ATM: variants seen among roughly 807,000 people sequenced by gnomAD.
The protein encoded by ATM is ATM serine/threonine kinase.
A neutral mutation model predicts 387.0 loss-of-function variants in ATM; 308 were observed. The ratio of observed to expected loss-of-function variants is 0.80; its 90% CI spans 0.73 to 0.87. The LOEUF (loss-of-function observed/expected upper bound fraction) is 0.87, where lower values mean the gene tolerates loss of function less well. Among genes scored for constraint, ATM ranks in the 40% least tolerant of loss-of-function variants. The pLI is 0.00. For missense variants in ATM, 3,312 were observed against 3,560.9 expected, an observed-to-expected ratio of 0.93 and a Z score of 1.78; for synonymous variants, 1,156 against 1,187.3, an observed-to-expected ratio of 0.97 and a Z score of 0.54.
At chr11:108,257,946 CCAGCAGCCTCGACCTCCTGGGCTCA>C (rs1435305361) in intron 15 of ATM, among the ~76,000 whole-genome samples, 9 of 152,006 alleles carry the variant, frequency 5.9e-5, no homozygotes, top group South Asian at 2.1e-4. Context: ...TCACTGCGAT[CCAGCAGCCTCGACCTCCTGGGCTCA>C]CAGCAGCCTC....
chr11:108,281,248 G>A, intron 24 of ATM, 80 bp downstream of exon 24: 9 of 1,429,558 alleles, frequency 6.3e-6, no homozygotes, highest in African/African-American at 1.4e-5. Context: ...TAGATTTTCT[G>A]AGTGGCACTT....
At position 108,317,533 on chromosome 11, in the gene ATM, G is replaced by A. The variant is rs2084795630; in HGVS notation, c.6347+12G>A. 1.9e-6 allele frequency: 3 copies of A among 1,575,730 alleles called. No homozygotes were observed. The highest frequency in any genetic ancestry group is 2.2e-5 in the South Asian group (2 of 90,146). ...TGCACTTCCGTCAGGTAAGAAATTT[G>A]ACTTGATTTTTTTTTTTTTGCCTCT... On this transcript the variant is annotated intron_variant, in intron 43 of 62. Transcript: ENST00000675843.
At chr11:108,316,222 G>T (rs1326911347) in intron 42 of ATM, 109 bp downstream of exon 42, 14 of 1,044,874 alleles carry the variant, frequency 1.3e-5, no homozygotes, top group Middle Eastern at 2.0e-4. Context: ...GATAAGACTA[G>T]AACTTATCTG....
chr11:108,357,480 C>A (rs1011268941), intron 61 of ATM, among the ~76,000 whole-genome samples: 1 of 152,254 alleles, frequency 6.6e-6, no homozygotes, highest in Non-Finnish European at 1.5e-5. Context: ...GTAGGCTCCA[C>A]CTCTGGGGGC....
intron 57 of ATM, 144 bp from the exon 58 acceptor site, chr11:108,345,599 G>A (rs1458663675): frequency 3.0e-6 from 2 of 676,628 alleles, no homozygotes; most frequent in Non-Finnish European, 2.4e-6. Flanking sequence ...TTGCTTCCCT[G>A]TCCAGACTGT....
At chr11:108,276,341 T>C (rs898727170) in intron 22 of ATM, among the ~76,000 whole-genome samples, 14 of 152,208 alleles carry the variant, frequency 9.2e-5, no homozygotes, top group African/African-American at 3.4e-4. Flanking sequence ...TTATTACCCA[T>C]CTTCCGAAGC....
rs1057516282 is a variant in ATM, at chr11:108,365,400, A to AG, written c.9064dup (p.Glu3022GlyfsTer41). The AG allele has an allele frequency of 1.2e-6, 2 of 1,614,220 alleles. No homozygotes were observed. The highest frequency in any genetic ancestry group is 1.7e-6 in the Non-Finnish European group (2 of 1,180,040). On this transcript the variant is annotated frameshift_variant, in exon 63 of 63. Transcript: ENST00000675843. LOFTEE classifies it high-confidence loss of function. ...TACAAGAGAAACTGAAAGGAGTGGA[A>AG]GAAGGCACTGTGCTCAGTGTTGGTG...
At chr11:108,290,621 G>C (rs1275356568) in intron 29 of ATM, 4 of 119,324 alleles carry the variant, frequency 3.4e-5, no homozygotes, top group African/African-American at 1.4e-4. Context: ...CTGGGAGACA[G>C]AGCGAGACTC....
rs768748099 is a variant in ATM at position 108,243,934 on chromosome 11, ATTTT to A, written c.497-7_497-4del. 3.3e-6 allele frequency: 4 copies of A among 1,201,016 alleles called. No individual in the cohort carries two copies. In the African/African-American group the frequency reaches 4.8e-5, roughly 14 times the overall value. The allele number at this position is 1,201,016 out of a possible 1,614,324, so 74.4% of individuals were successfully genotyped here. A position where few individuals can be genotyped will look rare whatever the true frequency, so the allele number is the denominator to read the frequency against. On this transcript the variant is annotated splice_polypyrimidine_tract_variant and intron_variant, in intron 5 of 62. Coordinates refer to ENST00000675843, the MANE Select transcript of ATM (RefSeq NM_000051.4). ...GATTTTTAAAAAATCATGACTAATAATTTTTTTTTTTTTTTAAGAATTGTTCTCT... is the reference window on the plus strand; with the variant it reads ...GATTTTTAAAAAATCATGACTAATAATTTTTTTTTTTAAGAATTGTTCTCT...
At chr11:108,349,688 C>T (rs1349070653) in intron 59 of ATM, among the ~76,000 whole-genome samples, 1 of 152,008 alleles carries the variant, frequency 6.6e-6, no homozygotes, top group Non-Finnish European at 1.5e-5. Flanking sequence ...AATCTTCCTA[C>T]AAGAAGTTTA....
At position 108,299,779 on chromosome 11, in the gene ATM, A is replaced by T. The variant is rs1800059; in HGVS notation, c.5071A>T (p.Ser1691Cys). Residue 1691 changes from serine (S) to cysteine (C), a missense_variant, in exon 34 of 63, where the codon AGT becomes TGT. Around this residue, in one of 4 missense-constraint regions of ATM, gnomAD observed 1,405 missense variants for 1,604.4 expected, o/e 0.88. Coordinates refer to ENST00000675843, the MANE Select transcript of ATM (RefSeq NM_000051.4). ...TTTCTCTACCATAGCTATACAACAT[A>T]GTAAAGATGCATCTTATACCAAGGC... ...IDFSTIAIQHSKDASYTKALK... is the reference protein window; with the variant it reads ...IDFSTIAIQHCKDASYTKALK... 1 of 1,614,058 alleles carries T rather than the reference A, an allele frequency of 6.2e-7. No individual in the cohort carries two copies. The highest frequency in any genetic ancestry group is 8.5e-7 in the Non-Finnish European group (1 of 1,179,948).
In ATM at chr11:108,297,367, G is replaced by A. The variant is rs1555103301; in HGVS notation, c.4990G>A (p.Glu1664Lys). Residue 1664 changes from glutamate to lysine, a missense_variant, in exon 33 of 63, where the codon GAA becomes AAA. Glu to Lys is a moderately conservative substitution (Grantham distance 56). Transcript: ENST00000675843. ...LSKMAINHTG[E>K]KEVLEAVGSC... The stretch of plus-strand genomic sequence containing the variant: ...CAAGATGGCAATAAACCACACTGGT[G>A]AAAAAGAAGTTCTAGGTAAACTACA... 2 of 1,613,886 alleles carry A rather than the reference G, an allele frequency of 1.2e-6. No individual in the cohort carries two copies. The highest frequency in any genetic ancestry group is 1.7e-6 in the Non-Finnish European group (2 of 1,179,850).
chr11:108,289,389 AAAATT>A (rs1195710190), intron 28 of ATM, among the ~76,000 whole-genome samples: 2 of 152,196 alleles, frequency 1.3e-5, no homozygotes, highest in Non-Finnish European at 2.9e-5. Flanking sequence ...TTACTTTCTG[AAAATT>A]AAATAAATTG....
At chr11:108,304,009 T>C (rs1467680629) in intron 36 of ATM, among the ~76,000 whole-genome samples, 1 of 152,170 alleles carries the variant, frequency 6.6e-6, no homozygotes, top group Non-Finnish European at 1.5e-5. Flanking sequence ...GTGTGAAGTA[T>C]GATGAATATG....
chr11:108,334,598 T>A (rs2086628276), intron 54 of ATM, among the ~76,000 whole-genome samples: 1 of 152,240 alleles, frequency 6.6e-6, no homozygotes, highest in African/African-American at 2.4e-5. Flanking sequence ...AATGTAGCTG[T>A]ATCATGTGGA....
At chr11:108,276,784 G>A (rs964498570) in intron 22 of ATM, among the ~76,000 whole-genome samples, 34 of 152,138 alleles carry the variant, frequency 2.2e-4, no homozygotes, top group Non-Finnish European at 4.3e-4. Context: ...GAGCTCTTCT[G>A]TATGAGGTGT....
In ATM at chr11:108,224,859, T is replaced by C. The variant is rs1298396501; in HGVS notation, c.-31+1673T>C. 6 of 152,376 alleles carry C rather than the reference T, an allele frequency of 3.9e-5. No homozygotes were observed. The South Asian group carries it at 8.3e-4, about 21-fold the overall frequency. 9.4% of individuals were successfully genotyped at this position (152,376 alleles called of 1,614,324 possible). A position where few individuals can be genotyped will look rare whatever the true frequency, so the allele number is the denominator to read the frequency against. On this transcript the variant is annotated intron_variant, in intron 1 of 62. Coordinates refer to ENST00000675843, the MANE Select transcript of ATM (RefSeq NM_000051.4). ...TTATTGTCACCCTGCTGCCCAGATA[T>C]GACTTCATGAGGGTAGGATTTGTAT...
chr11:108,268,790 A>T (rs2081410367), intron 18 of ATM, among the ~76,000 whole-genome samples, 181 bp downstream of exon 18: 1 of 152,232 alleles, frequency 6.6e-6, no homozygotes, highest in Admixed American at 6.5e-5. Flanking sequence ...ATTTAAGTGG[A>T]TGCTGAAATA....
intron 46 of ATM, 105 bp downstream of exon 46, chr11:108,325,649 T>G (rs2085602522): frequency 3.1e-6 from 3 of 973,786 alleles, no homozygotes; most frequent in Non-Finnish European, 4.6e-6. Flanking sequence ...GAGATAGAGA[T>G]CTCTATTAAT....
Sources: gnomAD v4.1 joint callset for allele counts (sites outside exome capture counted in the v4.1 genomes callset) on GRCh38, gnomAD v4.1.1 for gene constraint, gnomAD v4.1.1 regional missense constraint, MANE v1.5 for transcripts, NCBI Gene and HGNC (gene_info 2026-07-23, HGNC 2026-07-21) for gene names.